Variants in INPP5F observed in about 807,000 individuals in gnomAD.
INPP5F encodes the protein inositol polyphosphate-5-phosphatase F.
Under a neutral mutation model 137.2 loss-of-function variants are expected in INPP5F, and 97 were observed. The ratio of observed to expected loss-of-function variants is 0.71; its 90% CI spans 0.60 to 0.84. The LOEUF (loss-of-function observed/expected upper bound fraction) is 0.84, where lower values mean the gene tolerates loss of function less well. INPP5F is among the 40% of genes least tolerant of loss of function. INPP5F has a pLI of 0.00. For missense variants in INPP5F, 1,271 were observed against 1,371.9 expected (o/e 0.93, Z 1.16); for synonymous variants, 504 against 476.9 (o/e 1.06, Z -0.74).
intron 1 of INPP5F, among the ~76,000 whole-genome samples, chr10:119,727,853 A>T (rs1847937384): frequency 6.6e-6 from 1 of 152,112 alleles, no homozygotes; most frequent in African/African-American, 2.4e-5. Flanking sequence ...TCACTCCCCC[A>T]AATTTGGGTA....
rs766984379 is a variant in INPP5F, at chr10:119,726,300, A to T, written c.38A>T (p.Gln13Leu). The T allele has an allele frequency of 3.9e-5, 58 of 1,489,178 alleles. No individual in the cohort carries two copies. In the East Asian group the frequency reaches 1.5e-3, roughly 39 times the overall value. The allele number at this position is 1,489,178 out of a possible 1,614,324, so 92.2% of individuals were successfully genotyped here. ...LFQAKDHYIL[Q>L]QGERALWCSR... The stretch of plus-strand genomic sequence containing the variant: ...CAAGCCAAGGACCACTACATCCTGC[A>T]GCAGGGCGAGCGCGCGCTGTGGTGC... The change falls in exon 1 of 20, where the codon CAG (glutamine) becomes CTG (leucine). Residue 13 changes from glutamine to leucine, a missense_variant. Transcript: ENST00000650623.
intron 1 of INPP5F, among the ~76,000 whole-genome samples, chr10:119,749,914 G>GACT (rs1361276489): frequency 6.6e-6 from 1 of 152,140 alleles, no homozygotes; most frequent in Non-Finnish European, 1.5e-5. Flanking sequence ...GAGTAGCTGG[G>GACT]ACTACAGGCG....
intron 12 of INPP5F, 151 bp from the exon 13 acceptor site, chr10:119,807,781 C>T (rs568609628): frequency 1.8e-5 from 11 of 614,448 alleles, no homozygotes; most frequent in Non-Finnish European, 3.0e-5. Context: ...CTTTCAAGCA[C>T]TACTTTATTA....
At chr10:119,805,764 T>C (rs1045631616) in intron 11 of INPP5F, among the ~76,000 whole-genome samples, 1 of 152,242 alleles carries the variant, frequency 6.6e-6, no homozygotes, top group Non-Finnish European at 1.5e-5. Context: ...TCTTTCTCAC[T>C]GTTCCTAACA....
chr10:119,740,782 C>A (rs1848351092), intron 1 of INPP5F, among the ~76,000 whole-genome samples: 1 of 152,130 alleles, frequency 6.6e-6, no homozygotes, highest in African/African-American at 2.4e-5. Flanking sequence ...ACCTCATCAT[C>A]CTCCTGCCTC....
At chr10:119,729,068 G>C (rs1847973507) in intron 1 of INPP5F, among the ~76,000 whole-genome samples, 1 of 151,018 alleles carries the variant, frequency 6.6e-6, no homozygotes, top group African/African-American at 2.4e-5. Flanking sequence ...TTCTCTCTCA[G>C]TAATATCATT....
chr10:119,733,178 TGTCAAAGCA>T (rs1298729334), intron 1 of INPP5F, among the ~76,000 whole-genome samples: 1 of 152,222 alleles, frequency 6.6e-6, no homozygotes, highest in Non-Finnish European at 1.5e-5. Flanking sequence ...GCCTCTCAAA[TGTCAAAGCA>T]AGCACATTAA....
chr10:119,753,229 GT>G (rs1419333274), intron 2 of INPP5F, among the ~76,000 whole-genome samples: 1 of 152,106 alleles, frequency 6.6e-6, no homozygotes, highest in Non-Finnish European at 1.5e-5. Context: ...AAACTTTTGA[GT>G]TATTTTTCTC....
chr10:119,810,238 T>TAC, intron 14 of INPP5F, 21 bp downstream of exon 14: 1 of 1,323,500 alleles, frequency 7.6e-7, no homozygotes, highest in Non-Finnish European at 1.1e-6. Context: ...GAAAAGCTTT[T>TAC]CTTTCCTCAA....
chr10:119,773,082 T>C (rs965879377), intron 2 of INPP5F, among the ~76,000 whole-genome samples: 2 of 151,148 alleles, frequency 1.3e-5, no homozygotes, highest in Non-Finnish European at 2.9e-5. Context: ...TTTGAAATAG[T>C]GTCTTACTCT....
At chr10:119,763,725 C>T (rs559856004) in intron 2 of INPP5F, among the ~76,000 whole-genome samples, 76 of 152,208 alleles carry the variant, frequency 5.0e-4, no homozygotes, top group Non-Finnish European at 3.7e-4. Flanking sequence ...CTTTTCAAAT[C>T]TTTAAGTTCT....
intron 2 of INPP5F, among the ~76,000 whole-genome samples, chr10:119,758,998 C>T (rs1231389065): frequency 1.3e-5 from 2 of 152,054 alleles, no homozygotes; most frequent in Non-Finnish European, 2.9e-5. Flanking sequence ...TTAGTGCATG[C>T]CTTAAAAGCC....
chr10:119,797,249 C>T (rs1031367712), intron 7 of INPP5F, among the ~76,000 whole-genome samples: 1 of 152,178 alleles, frequency 6.6e-6, no homozygotes, highest in Non-Finnish European at 1.5e-5. Flanking sequence ...AGACCTTTCT[C>T]TTTCAGTTCA....
At chr10:119,821,292 C>G (rs1564854340) in intron 16 of INPP5F, among the ~76,000 whole-genome samples, 1 of 151,944 alleles carries the variant, frequency 6.6e-6, no homozygotes, top group African/African-American at 2.4e-5. Context: ...AAATTACTTA[C>G]AATTTTTTGT....
At chr10:119,728,130 G>A (rs1200431469) in intron 1 of INPP5F, among the ~76,000 whole-genome samples, 1 of 152,142 alleles carries the variant, frequency 6.6e-6, no homozygotes, top group Non-Finnish European at 1.5e-5. Context: ...ACTTTTTTGG[G>A]GGAGGAAAGT....
In INPP5F at chr10:119,806,362, T is replaced by C. The variant is rs1019398827; in HGVS notation, c.1322T>C (p.Val441Ala). The change falls in exon 12 of 20, where the codon GTT becomes GCT. Residue 441 changes from valine (V) to alanine (A), a missense_variant and splice_region_variant. Physicochemically the swap from Val to Ala is moderately conservative, Grantham distance 64. Around this residue, in one of 6 missense-constraint regions of INPP5F, gnomAD observed 593 missense variants for 712.4 expected, o/e 0.83. Coordinates refer to ENST00000650623, the MANE Select transcript of INPP5F (RefSeq NM_014937.4). ...AATTCTGTATTATTTTTAAAAAGGG[T>C]TGATGAAGCTGGGGTAATATGTAAG... is the stretch of plus-strand genomic sequence containing the variant. The part of the protein sequence containing the change: ...DIILDMKWCW[V>A]DEAGVICKQE... The C allele has an allele frequency of 1.3e-6, 2 of 1,537,570 alleles. No individual in the cohort carries two copies. The highest frequency in any genetic ancestry group is 1.8e-6 in the Non-Finnish European group (2 of 1,139,158).
intron 2 of INPP5F, among the ~76,000 whole-genome samples, chr10:119,753,763 T>C (rs1589679444): frequency 6.6e-6 from 1 of 152,338 alleles, no homozygotes. Context: ...TTATTGTACC[T>C]GCAAGTGCTT....
At chr10:119,775,771 T>A (rs150839187) in intron 2 of INPP5F, among the ~76,000 whole-genome samples, 160 of 152,320 alleles carry the variant, frequency 1.1e-3, no homozygotes, top group Middle Eastern at 0.01. Flanking sequence ...TCTCTACTTT[T>A]ATGTATGTTT....
chr10:119,799,881 A>G lies in INPP5F; in HGVS notation c.1116+1271A>G, dbSNP rs538671591. Among the ~76,000 whole-genome samples, 5 of 152,272 alleles carry G rather than the reference A, an allele frequency of 3.3e-5. No homozygotes were observed. The South Asian group carries it at 1.0e-3, about 32-fold the overall frequency. On this transcript the variant is annotated intron_variant, in intron 9 of 19. Coordinates refer to ENST00000650623, the MANE Select transcript of INPP5F (RefSeq NM_014937.4). Reference sequence around the variant, plus strand: ...AAAAAGCACTAACTATTGTCTTCCCATGTTTTCAATGTATTATTATGTATC... The same window carrying G: ...AAAAAGCACTAACTATTGTCTTCCCGTGTTTTCAATGTATTATTATGTATC...
Sources: gnomAD v4.1 joint callset for allele counts (sites outside exome capture counted in the v4.1 genomes callset) on GRCh38, gnomAD v4.1.1 for gene constraint, gnomAD v4.1.1 regional missense constraint, MANE v1.5 for transcripts, NCBI Gene and HGNC (gene_info 2026-07-23, HGNC 2026-07-21) for gene names.